ARL5A: variants seen among roughly 807,000 people sequenced by gnomAD.
ARL5A encodes ARF like GTPase 5A.
A neutral mutation model predicts 25.9 loss-of-function variants in ARL5A; 18 were observed. That is an observed-to-expected ratio of 0.69 (90% CI 0.48 to 1.03). The LOEUF (loss-of-function observed/expected upper bound fraction) is 1.03. ARL5A is among the 50% of genes least tolerant of loss of function. The pLI is 0.00. For missense variants in ARL5A, 170 were observed against 211.9 expected (o/e 0.80, Z 1.23); for synonymous variants, 61 against 67.5 (o/e 0.90, Z 0.47).
Position 151,806,931 on chromosome 2 carries a change from T to C in ARL5A, c.381A>G (p.Gln127=). 1 of 1,612,682 alleles carries C rather than the reference T, an allele frequency of 6.2e-7. No individual in the cohort carries two copies. Among genetic ancestry groups the C allele is most frequent in the East Asian group, 2.2e-5 (1 of 44,818 alleles). The change falls in exon 5 of 6, where the codon CAA becomes CAG. Residue 127 remains glutamine (Q), a synonymous_variant. Transcript: ENST00000295087. The part of the protein sequence containing the change: ...KAGLLIFANK[Q]DVKECMTVAE... The stretch of plus-strand genomic sequence containing the variant: ...CTACAGTCATGCATTCTTTAACATC[T>C]TGTTTATTAGCAAAAATCAGCAATC...
At chr2:151,823,523 C>T (rs2099832637) in intron 1 of ARL5A, among the ~76,000 whole-genome samples, 1 of 151,796 alleles carries the variant, frequency 6.6e-6, no homozygotes, top group Non-Finnish European at 1.5e-5. Context: ...GAAAGTTCAA[C>T]ATCAAAAAAA....
Position 151,800,828 on chromosome 2 carries a change from C to G in ARL5A, c.*2448G>C, listed in dbSNP as rs1014380710. Reference sequence around the variant, plus strand: ...GTATCAAAAACAGGATATTTAAATCCAGCCACATGTACAGAACTATGAATC... The same window carrying G: ...GTATCAAAAACAGGATATTTAAATCGAGCCACATGTACAGAACTATGAATC... On this transcript the variant is annotated 3_prime_UTR_variant, in exon 6 of 6. Coordinates refer to ENST00000295087, the MANE Select transcript of ARL5A (RefSeq NM_012097.4). 7 of 152,644 alleles carry G rather than the reference C, an allele frequency of 4.6e-5. No homozygotes were observed. The highest frequency in any genetic ancestry group is 1.4e-4 in the African/African-American group (6 of 41,550). 9.5% of individuals were successfully genotyped at this position (152,644 alleles called of 1,614,324 possible).
intron 5 of ARL5A, among the ~76,000 whole-genome samples, chr2:151,804,171 A>G (rs1559817216): frequency 6.6e-6 from 1 of 152,206 alleles, no homozygotes; most frequent in East Asian, 1.9e-4. Context: ...ATGTTACATA[A>G]ATATTATAAA....
chr2:151,825,268 A>G (rs1176629958), intron 1 of ARL5A, among the ~76,000 whole-genome samples: 1 of 152,182 alleles, frequency 6.6e-6, no homozygotes, highest in Non-Finnish European at 1.5e-5. Flanking sequence ...CAACTTAGAG[A>G]TTAGCAACTG....
chr2:151,805,986 T>C (rs1270160840), intron 5 of ARL5A, among the ~76,000 whole-genome samples: 1 of 152,188 alleles, frequency 6.6e-6, no homozygotes, highest in Non-Finnish European at 1.5e-5. Context: ...TTTACAAAGC[T>C]ATTTTTGCTT....
In ARL5A at chr2:151,828,302, G is replaced by A. The variant is rs991477279; in HGVS notation, c.-126C>T. On this transcript the variant is annotated 5_prime_UTR_variant, in exon 1 of 6. Transcript: ENST00000295087. ...TGCTGCTGCTCCCGCGCTGGTCGCG[G>A]GCCCGCTTCCAGGGAACCGGAGGGA... The A allele has an allele frequency of 5.8e-6, 5 of 864,062 alleles. No individual in the cohort carries two copies. In the African/African-American group the frequency reaches 9.0e-5, roughly 16 times the overall value. The allele number at this position is 864,062 out of a possible 1,614,324, so 53.5% of individuals were successfully genotyped here. A position where few individuals can be genotyped will look rare whatever the true frequency, so the allele number is the denominator to read the frequency against.
At position 151,806,956 on chromosome 2, in the gene ARL5A, C is replaced by T; in HGVS notation, c.356G>A (p.Gly119Glu). 6.2e-7 allele frequency: 1 copy of T among 1,610,926 alleles called. No homozygotes were observed. The highest frequency in any genetic ancestry group is 1.1e-5 in the South Asian group (1 of 90,182). ...TTGTTTATTAGCAAAAATCAGCAATCCAGCTTTTCTTAGGTCCTATTAAAG... is the reference window on the plus strand; with the variant it reads ...TTGTTTATTAGCAAAAATCAGCAATTCAGCTTTTCTTAGGTCCTATTAAAG... ...MLAHEDLRKA[G>E]LLIFANKQDV... Residue 119 changes from glycine to glutamate, a missense_variant, in exon 5 of 6, where the codon GGA (glycine) becomes GAA (glutamate). Gly to Glu is a moderately conservative substitution (Grantham distance 98). Transcript: ENST00000295087.
In ARL5A at chr2:151,800,042, T is replaced by G. The variant is rs2099829199; in HGVS notation, c.*3234A>C. The G allele has an allele frequency of 1.3e-5, 2 of 152,154 alleles. No homozygotes were observed. The highest frequency in any genetic ancestry group is 4.8e-5 in the African/African-American group (2 of 41,412). 9.4% of individuals were successfully genotyped at this position (152,154 alleles called of 1,614,324 possible). A position where few individuals can be genotyped will look rare whatever the true frequency, so the allele number is the denominator to read the frequency against. On this transcript the variant is annotated 3_prime_UTR_variant, in exon 6 of 6. Transcript: ENST00000295087. Reference sequence around the variant, plus strand: ...CTTGAAAAAGTGATTGATGACAACATACAACTGGGCAGTTGAGAGAAGACT... The same window carrying G: ...CTTGAAAAAGTGATTGATGACAACAGACAACTGGGCAGTTGAGAGAAGACT...
chr2:151,824,818 G>A lies in ARL5A; in HGVS notation c.46+3313C>T, dbSNP rs182934420. Among the ~76,000 whole-genome samples, 310 of 152,246 alleles carry A rather than the reference G, an allele frequency of 2.0e-3. 1 individual carries two copies. The highest frequency in any genetic ancestry group is 7.3e-3 in the African/African-American group (302 of 41,544). On this transcript the variant is annotated intron_variant, in intron 1 of 5. Transcript: ENST00000295087. ...GTTAAAATCCAGGTGTGTGTGCGTA[G>A]GAGAAATAACTCCGGCACTACGTAA...
intron 1 of ARL5A, among the ~76,000 whole-genome samples, chr2:151,824,408 A>C (rs1392336975): frequency 1.3e-5 from 2 of 152,144 alleles, no homozygotes; most frequent in Non-Finnish European, 2.9e-5. Flanking sequence ...TCTGTATTAG[A>C]AGCTAAGACA....
intron 1 of ARL5A, among the ~76,000 whole-genome samples, chr2:151,821,789 C>G (rs141214240): frequency 1.1e-5 from 1 of 90,158 alleles, no homozygotes; most frequent in Non-Finnish European, 2.4e-5. Flanking sequence ...TTTTTTTTTT[C>G]TTTTTTTTTT....
Position 151,808,268 on chromosome 2 carries a change from T to C in ARL5A, c.340-1296A>G, listed in dbSNP as rs77575581. Among the ~76,000 whole-genome samples the C allele has an allele frequency of 2.0e-3, 307 of 152,352 alleles. 1 individual carries two copies. The highest frequency in any genetic ancestry group is 7.0e-3 in the African/African-American group (291 of 41,590). ...CCACACTTGCAAGTTTTCACAACTGTTGAATGGCATTTGTCTTCTTAGGGA... is the reference window on the plus strand; with the variant it reads ...CCACACTTGCAAGTTTTCACAACTGCTGAATGGCATTTGTCTTCTTAGGGA... On this transcript the variant is annotated intron_variant, in intron 4 of 5. Coordinates refer to ENST00000295087, the MANE Select transcript of ARL5A (RefSeq NM_012097.4).
At position 151,815,017 on chromosome 2, in the gene ARL5A, C is replaced by A. The variant is rs1187641806; in HGVS notation, c.107+122G>T. The A allele has an allele frequency of 5.4e-6, 4 of 744,698 alleles. No homozygotes were observed. The African/African-American group carries it at 5.4e-5, about 10-fold the overall frequency. The allele number at this position is 744,698 out of a possible 1,614,324, so 46.1% of individuals were successfully genotyped here. The stretch of plus-strand genomic sequence containing the variant: ...GATCTGGCTCCAGGTTTATAGCCAA[C>A]CTGCTTTCTTACAGGGTAACTTAGG... On this transcript the variant is annotated intron_variant, in intron 2 of 5. Coordinates refer to ENST00000295087, the MANE Select transcript of ARL5A (RefSeq NM_012097.4).
chr2:151,828,003 G>A, intron 1 of ARL5A, 128 bp downstream of exon 1: 1 of 966,184 alleles, frequency 1.0e-6, no homozygotes, highest in African/African-American at 1.7e-5. Context: ...TATCCGCGCA[G>A]CCTGCACCCC....
chr2:151,817,538 CT>C (rs1182496662), intron 1 of ARL5A, among the ~76,000 whole-genome samples: 1 of 152,138 alleles, frequency 6.6e-6, no homozygotes, highest in East Asian at 1.9e-4. Flanking sequence ...CTATAGGCAC[CT>C]CCTATTATAC....
rs1458648878 is a variant in ARL5A at position 151,803,269 on chromosome 2, G to A, written c.*7C>T. On this transcript the variant is annotated 3_prime_UTR_variant, in exon 6 of 6. Coordinates refer to ENST00000295087, the MANE Select transcript of ARL5A (RefSeq NM_012097.4). ...ATACAAAATCTATGAGAAGAGGTCA[G>A]TAGAGATCATCTAATCTTAAGTCGT... is the stretch of plus-strand genomic sequence containing the variant. 3.1e-6 allele frequency: 5 copies of A among 1,609,300 alleles called. No individual in the cohort carries two copies. The highest frequency in any genetic ancestry group is 1.7e-4 in the Middle Eastern group (1 of 6,036).
intron 1 of ARL5A, 86 bp from the exon 2 acceptor site, chr2:151,815,285 C>A (rs2272126): frequency 6.5e-6 from 7 of 1,078,670 alleles, no homozygotes; most frequent in African/African-American, 3.2e-5. Context: ...CTGTATCTCA[C>A]CCTTCTATCT....
intron 4 of ARL5A, among the ~76,000 whole-genome samples, chr2:151,807,230 C>T (rs993253830): frequency 6.6e-6 from 1 of 152,116 alleles, no homozygotes; most frequent in Admixed American, 6.6e-5. Context: ...ACACCACCCA[C>T]CCCCTAAATC....
Position 151,828,207 on chromosome 2 carries a change from AC to A in ARL5A, c.-32del. ...GGCAGCGGACCCCCCCCCTCCAGAC[AC>A]CCGGGCCGCCTGGCTTCCCCCGGCT... On this transcript the variant is annotated 5_prime_UTR_variant, in exon 1 of 6. Transcript: ENST00000295087. The A allele has an allele frequency of 6.3e-7, 1 of 1,582,406 alleles. No individual in the cohort carries two copies. Among genetic ancestry groups the A allele is most frequent in the South Asian group, 1.1e-5 (1 of 89,720 alleles).
Sources: allele counts gnomAD v4.1 joint callset (sites outside exome capture counted in the v4.1 genomes callset), GRCh38; gene constraint gnomAD v4.1.1; transcripts MANE v1.5; gene names NCBI Gene and HGNC (gene_info 2026-07-23, HGNC 2026-07-21).